CERS6: variants seen among roughly 807,000 people sequenced by gnomAD.
The protein encoded by CERS6 is LAG1 homolog, ceramide synthase 6.
In CERS6, 26 loss-of-function variants were observed where a neutral mutation model predicts 56.8. The observed-to-expected ratio is 0.46, with a 90% CI of 0.34 to 0.63. The LOEUF is 0.63. Ranked by LOEUF, CERS6 falls within the 30% of genes least tolerant of loss-of-function variation. CERS6 has a pLI of 0.01. For synonymous variants in CERS6, 164 were observed against 173.3 expected (o/e 0.95, Z 0.42); for missense variants, 415 against 467.5 (o/e 0.89, Z 1.04).
chr2:168,517,214 G>T (rs1694898132), intron 1 of CERS6, among the ~76,000 whole-genome samples: 1 of 151,794 alleles, frequency 6.6e-6, no homozygotes, highest in South Asian at 2.1e-4. Context: ...AGCAGAGGCC[G>T]GGCACAGTGG....
intron 9 of CERS6, chr2:168,766,408 C>T (rs1406692051): frequency 2.8e-6 from 4 of 1,412,588 alleles, no homozygotes; most frequent in Non-Finnish European, 4.0e-6. Flanking sequence ...TGGAGGGGCA[C>T]TCAGATGCTT....
At chr2:168,605,292 G>A (rs1684026650) in intron 3 of CERS6, among the ~76,000 whole-genome samples, 1 of 152,160 alleles carries the variant, frequency 6.6e-6, no homozygotes. Context: ...TAGGGTATGT[G>A]GTGGAAGAAA....
intron 7 of CERS6, among the ~76,000 whole-genome samples, chr2:168,716,766 G>A (rs777227710): frequency 2.6e-5 from 4 of 152,086 alleles, no homozygotes; most frequent in African/African-American, 7.2e-5. Context: ...CACCTGAAGT[G>A]TTCATGAAAT....
At chr2:168,660,998 G>T (rs559853324) in intron 4 of CERS6, among the ~76,000 whole-genome samples, 40 of 150,998 alleles carry the variant, frequency 2.6e-4, no homozygotes, top group African/African-American at 9.2e-4. Context: ...TTTATGTGCA[G>T]ACAACAAATC....
chr2:168,682,969 T>C (rs1396675268), intron 4 of CERS6, among the ~76,000 whole-genome samples: 3 of 152,232 alleles, frequency 2.0e-5, no homozygotes, highest in Non-Finnish European at 4.4e-5. Flanking sequence ...ATTTTTGTTA[T>C]AAAAAGAATT....
At chr2:168,671,591 A>G (rs1685919335) in intron 4 of CERS6, among the ~76,000 whole-genome samples, 1 of 152,192 alleles carries the variant, frequency 6.6e-6, no homozygotes, top group Non-Finnish European at 1.5e-5. Flanking sequence ...GTTTGATATT[A>G]CAATGAGTGG....
chr2:168,558,966 G>C (rs781173945), intron 2 of CERS6, among the ~76,000 whole-genome samples: 19 of 152,140 alleles, frequency 1.2e-4, no homozygotes, highest in Non-Finnish European at 2.8e-4. Flanking sequence ...GGGGAGAATA[G>C]GGATTGAAAG....
intron 3 of CERS6, among the ~76,000 whole-genome samples, chr2:168,623,474 A>AG (rs1684520332): frequency 6.6e-6 from 1 of 152,040 alleles, no homozygotes; most frequent in South Asian, 2.1e-4. Context: ...AAAGCAGGAA[A>AG]AAAAAATGCC....
intron 1 of CERS6, among the ~76,000 whole-genome samples, chr2:168,505,404 A>C (rs1694659384): frequency 6.7e-6 from 1 of 148,836 alleles, no homozygotes; most frequent in African/African-American, 2.5e-5. Flanking sequence ...AAAAAAAAGA[A>C]AAAAAAAGAA....
At chr2:168,589,017 G>A (rs1683611857) in intron 3 of CERS6, among the ~76,000 whole-genome samples, 1 of 152,240 alleles carries the variant, frequency 6.6e-6, no homozygotes, top group African/African-American at 2.4e-5. Flanking sequence ...TAGGACTACA[G>A]TTGTGGGCCA....
intron 4 of CERS6, among the ~76,000 whole-genome samples, chr2:168,641,876 C>G (rs1685060745): frequency 7.7e-6 from 1 of 130,190 alleles, no homozygotes; most frequent in South Asian, 3.0e-4. Flanking sequence ...ATAGATGGTT[C>G]ATACTTGAGT....
intron 4 of CERS6, among the ~76,000 whole-genome samples, chr2:168,690,000 G>A (rs1686457854): frequency 1.3e-5 from 2 of 152,068 alleles, no homozygotes; most frequent in Admixed American, 1.3e-4. Flanking sequence ...CAGACTCGGG[G>A]CCTCCATTTA....
At chr2:168,691,864 A>T (rs1439047773) in intron 5 of CERS6, among the ~76,000 whole-genome samples, 4 of 152,188 alleles carry the variant, frequency 2.6e-5, no homozygotes, top group Non-Finnish European at 5.9e-5. Flanking sequence ...ACATGAGGAG[A>T]CATATTAAAC....
chr2:168,620,055 ACACACACAT>A (rs1684429004), intron 3 of CERS6, among the ~76,000 whole-genome samples: 3 of 135,158 alleles, frequency 2.2e-5, no homozygotes, highest in Non-Finnish European at 4.7e-5. Flanking sequence ...ACACACACAC[ACACACACAT>A]ATTTATATAT....
At chr2:168,665,409 C>T (rs1394677511) in intron 4 of CERS6, among the ~76,000 whole-genome samples, 2 of 152,068 alleles carry the variant, frequency 1.3e-5, no homozygotes, top group African/African-American at 4.8e-5. Context: ...AAGAGGCTGC[C>T]TTTGCTGACT....
At chr2:168,721,580 A>AAGAAAC (rs1687372042) in intron 8 of CERS6, among the ~76,000 whole-genome samples, 1 of 25,484 alleles carries the variant, frequency 3.9e-5, no homozygotes, top group African/African-American at 1.3e-4. Flanking sequence ...AAAAAAAACC[A>AAGAAAC]AAAAACAAAA....
Position 168,687,811 on chromosome 2 carries a change from T to C in CERS6, c.466-3223T>C, listed in dbSNP as rs566472723. ...TGGCCCCCACCAGGCTCAAGCAATCTTCCTACCTCAGCCTCCTGAGTAGCT... is the reference window on the plus strand; with the variant it reads ...TGGCCCCCACCAGGCTCAAGCAATCCTCCTACCTCAGCCTCCTGAGTAGCT... On this transcript the variant is annotated intron_variant, in intron 4 of 9. Transcript: ENST00000305747. Among the ~76,000 whole-genome samples, 5 of 152,262 alleles carry C rather than the reference T, an allele frequency of 3.3e-5. No individual in the cohort carries two copies. In the South Asian group the frequency reaches 1.0e-3, roughly 32 times the overall value.
intron 6 of CERS6, 54 bp downstream of exon 6, chr2:168,695,105 TAGC>T (rs1686611995): frequency 9.8e-6 from 14 of 1,431,098 alleles, no homozygotes; most frequent in Non-Finnish European, 1.4e-5. Flanking sequence ...TAATGGCCCT[TAGC>T]AGGTGGGTTT....
chr2:168,640,183 T>C lies in CERS6; in HGVS notation c.465+9141T>C, dbSNP rs183856601. ...CTGGCAATGTTCTCGATATGGATAG[T>C]GATGTAAGTATTTACATATCTAGAC... is the stretch of plus-strand genomic sequence containing the variant. On this transcript the variant is annotated intron_variant, in intron 4 of 9. Coordinates refer to ENST00000305747, the MANE Select transcript of CERS6 (RefSeq NM_203463.3). 7.2e-5 allele frequency among the ~76,000 whole-genome samples: 11 copies of C among 152,340 alleles called. No homozygotes were observed. In the East Asian group the frequency reaches 2.1e-3, roughly 29 times the overall value.
Sources: allele counts gnomAD v4.1 joint callset (sites outside exome capture counted in the v4.1 genomes callset), GRCh38; gene constraint gnomAD v4.1.1; transcripts MANE v1.5; gene names NCBI Gene and HGNC (gene_info 2026-07-23, HGNC 2026-07-21).